Variants in SLC25A33 observed in about 807,000 individuals in gnomAD.
SLC25A33 encodes solute carrier family 25 member 33, also known as bone marrow stromal cell mitochondrial carrier protein.
SLC25A33 carries 15 observed loss-of-function variants against 35.5 expected under a neutral mutation model. The ratio of observed to expected loss-of-function variants is 0.42; its 90% confidence interval spans 0.28 to 0.65. The LOEUF (loss-of-function observed/expected upper bound fraction) is 0.65. Among genes scored for constraint, SLC25A33 ranks in the 30% least tolerant of loss-of-function variants. The pLI is 0.20. For missense variants in SLC25A33, 257 were observed against 398.5 expected (o/e 0.64, Z 3.02); for synonymous variants, 136 against 148.7 (o/e 0.91, Z 0.62).
chr1:9,573,536 T>C, intron 5 of SLC25A33, 124 bp downstream of exon 5: 1 of 750,990 alleles, frequency 1.3e-6, no homozygotes. Flanking sequence ...TTCCTTAATC[T>C]AAGTGCACGC....
At position 9,582,548 on chromosome 1, in the gene SLC25A33, G is replaced by A. The variant is rs1643761459; in HGVS notation, c.*47G>A. 1 of 1,536,808 alleles carries A rather than the reference G, an allele frequency of 6.5e-7. No homozygotes were observed. Among genetic ancestry groups the A allele is most frequent in the South Asian group, 1.2e-5 (1 of 82,582 alleles). On this transcript the variant is annotated 3_prime_UTR_variant, in exon 7 of 7. Transcript: ENST00000302692. This position sits in a 1 kb window ranked among gnomAD's most constrained non-coding sequence, Gnocchi z 4.0. ...AGAAGAATAAAACTGAAAAACTCTA[G>A]AGAATTTTTTTTCCCCATTGATGTT...
chr1:9,575,623 A>G (rs889430454), intron 5 of SLC25A33, among the ~76,000 whole-genome samples: 2 of 152,098 alleles, frequency 1.3e-5, no homozygotes, highest in Non-Finnish European at 2.9e-5. Flanking sequence ...TGGAAAAAAA[A>G]ACGAAAGCAA....
rs1347669976 is a variant in SLC25A33 at position 9,578,568 on chromosome 1, G to A, written c.483-1386G>A. Among the ~76,000 whole-genome samples the A allele has an allele frequency of 6.6e-6, 1 of 152,212 alleles. No homozygotes were observed. The highest frequency in any genetic ancestry group is 1.5e-5 in the Non-Finnish European group (1 of 68,036). ...TTAGCAATAATAGAATCTATTTGGA[G>A]ACGAGTGTGATCAGAAATCTAATAA... On this transcript the variant is annotated intron_variant, in intron 5 of 6. Coordinates refer to ENST00000302692, the MANE Select transcript of SLC25A33 (RefSeq NM_032315.3). This position sits in a 1 kb window ranked among gnomAD's most constrained non-coding sequence, Gnocchi z 4.3.
At chr1:9,546,772 T>A (rs1643177758) in intron 1 of SLC25A33, among the ~76,000 whole-genome samples, 1 of 152,122 alleles carries the variant, frequency 6.6e-6, no homozygotes, top group African/African-American at 2.4e-5. Flanking sequence ...AAACCTGAAC[T>A]CTAGAGGGAG....
chr1:9,577,811 G>T (rs1024717682), intron 5 of SLC25A33, among the ~76,000 whole-genome samples: 1 of 152,188 alleles, frequency 6.6e-6, no homozygotes, highest in African/African-American at 2.4e-5. Flanking sequence ...GGTGCCTAGT[G>T]TGAATAGAGG....
intron 5 of SLC25A33, chr1:9,577,068 A>G (rs1643670212): frequency 3.2e-6 from 2 of 627,174 alleles, no homozygotes; most frequent in South Asian, 3.6e-5. Context: ...ATGCCATAAA[A>G]GACATTGATT....
intron 3 of SLC25A33, among the ~76,000 whole-genome samples, chr1:9,569,146 G>A (rs965090085): frequency 7.9e-5 from 12 of 151,090 alleles, no homozygotes; most frequent in Admixed American, 3.3e-4. Flanking sequence ...TCGGGAGGCT[G>A]AGGCAGGAGA....
At chr1:9,564,735 A>ATATATATATAT (rs1553146738) in intron 2 of SLC25A33, among the ~76,000 whole-genome samples, 1 of 69,522 alleles carries the variant, frequency 1.4e-5, no homozygotes, top group Non-Finnish European at 2.6e-5. Flanking sequence ...TAAAAAAAAA[A>ATATATATATAT]AAAAATATAT....
intron 2 of SLC25A33, among the ~76,000 whole-genome samples, chr1:9,558,491 G>A (rs992625157): frequency 7.9e-5 from 12 of 152,200 alleles, no homozygotes; most frequent in African/African-American, 2.9e-4. Flanking sequence ...CCATCCGGCT[G>A]CCTGTTTGAC....
intron 5 of SLC25A33, among the ~76,000 whole-genome samples, chr1:9,577,242 G>C (rs1643673369): frequency 6.6e-6 from 1 of 152,154 alleles, no homozygotes; most frequent in Non-Finnish European, 1.5e-5. Context: ...CGGATCACTT[G>C]AGCTCAGGAT....
intron 2 of SLC25A33, among the ~76,000 whole-genome samples, chr1:9,559,050 A>G (rs776522866): frequency 3.9e-5 from 6 of 152,118 alleles, no homozygotes; most frequent in Admixed American, 2.0e-4. Flanking sequence ...TTCCCACCGC[A>G]GGGTGTTTGC....
intron 2 of SLC25A33, among the ~76,000 whole-genome samples, chr1:9,564,526 A>G (rs1643471550): frequency 6.6e-6 from 1 of 151,970 alleles, no homozygotes; most frequent in African/African-American, 2.4e-5. Flanking sequence ...CCAAGTGTCC[A>G]TCGATGGGTG....
chr1:9,551,861 T>A (rs567326071), intron 1 of SLC25A33, among the ~76,000 whole-genome samples: 7 of 152,258 alleles, frequency 4.6e-5, no homozygotes. Context: ...ACTCATCAGA[T>A]TATAGAGCGA....
At chr1:9,554,588 A>G (rs1202499592) in intron 2 of SLC25A33, among the ~76,000 whole-genome samples, 1 of 145,430 alleles carries the variant, frequency 6.9e-6, no homozygotes, top group African/African-American at 2.5e-5. Context: ...CAAACTCCCA[A>G]CCTCAGGTGA....
At chr1:9,544,488 C>T (rs530149667) in intron 1 of SLC25A33, among the ~76,000 whole-genome samples, 6 of 152,090 alleles carry the variant, frequency 3.9e-5, no homozygotes, top group African/African-American at 1.2e-4. Flanking sequence ...AGACTGGTCT[C>T]GAACTACTGA....
intron 3 of SLC25A33, 114 bp downstream of exon 3, chr1:9,567,475 C>A: frequency 2.1e-6 from 2 of 938,458 alleles, no homozygotes; most frequent in Non-Finnish European, 1.6e-6. Flanking sequence ...GTTGGATTTG[C>A]CTAAATATAG....
chr1:9,576,350 G>A (rs539363901), intron 5 of SLC25A33: 119 of 351,250 alleles, frequency 3.4e-4, no homozygotes, highest in Middle Eastern at 2.1e-3. Flanking sequence ...AGAAGGTTGG[G>A]AGGGCCTTCA....
rs1407826537 is a variant in SLC25A33, at chr1:9,553,696, A to G, written c.127A>G (p.Arg43Gly). 2.5e-6 allele frequency: 4 copies of G among 1,614,062 alleles called. No homozygotes were observed. Among genetic ancestry groups the G allele is most frequent in the Non-Finnish European group, 3.4e-6 (4 of 1,180,042 alleles). Reference sequence around the variant, plus strand: ...CATTAAGACACGGTTGCAGTCTTCAAGATTAGCTCTCCGGACAGTCTACTA... The same window carrying G: ...CATTAAGACACGGTTGCAGTCTTCAGGATTAGCTCTCCGGACAGTCTACTA... ...EVIKTRLQSS[R>G]LALRTVYYPQ... The change falls in exon 2 of 7, where the codon AGA (arginine) becomes GGA (glycine). Residue 43 changes from arginine (R) to glycine (G), a missense_variant. Coordinates refer to ENST00000302692, the MANE Select transcript of SLC25A33 (RefSeq NM_032315.3).
At chr1:9,576,763 T>C (rs1156447020) in intron 5 of SLC25A33, 12 of 1,085,502 alleles carry the variant, frequency 1.1e-5, no homozygotes, top group East Asian at 3.0e-5. Flanking sequence ...CCGAAATTTC[T>C]TGGATGAAAA....
Sources: allele counts gnomAD v4.1 joint callset (sites outside exome capture counted in the v4.1 genomes callset), GRCh38; gene constraint gnomAD v4.1.1; non-coding constraint Gnocchi (gnomAD v3.1); transcripts MANE v1.5; gene names NCBI Gene and HGNC (gene_info 2026-07-23, HGNC 2026-07-21).